The following CENPK variants were observed in gnomAD, a reference collection of about 807,000 sequenced individuals.
CENPK encodes the protein centromere protein K, also known as SoxLZ/Sox6-binding protein Solt.
In CENPK, 46 loss-of-function variants were observed where a neutral mutation model predicts 40.9. That is an observed-to-expected ratio of 1.13 (90% CI 0.89 to 1.44). The LOEUF is 1.44. CENPK is among the 40% of genes most tolerant of loss of function. CENPK has a pLI of 0.00. For missense variants in CENPK, 288 were observed against 303.5 expected, an observed-to-expected ratio of 0.95 and a Z score of 0.38; for synonymous variants, 107 against 104.4, an observed-to-expected ratio of 1.02 and a Z score of -0.15.
Position 65,561,491 on chromosome 5 carries a change from T to C in CENPK, c.-68A>G. The C allele has an allele frequency of 2.2e-6, 1 of 456,138 alleles. No individual in the cohort carries two copies. Among genetic ancestry groups the C allele is most frequent in the Middle Eastern group, 3.3e-4 (1 of 3,074 alleles). 28.3% of individuals were successfully genotyped at this position (456,138 alleles called of 1,614,324 possible). A position where few individuals can be genotyped will look rare whatever the true frequency, so the allele number is the denominator to read the frequency against. Reference sequence around the variant, plus strand: ...TTGAGGATGCAAGATGTAAGCTGTATGTAACCTGGAAGAGGGTCATCAACA... The same window carrying C: ...TTGAGGATGCAAGATGTAAGCTGTACGTAACCTGGAAGAGGGTCATCAACA... On this transcript the variant is annotated 5_prime_UTR_variant, in exon 2 of 11. Transcript: ENST00000396679.
intron 6 of CENPK, among the ~76,000 whole-genome samples, chr5:65,530,979 G>T (rs1745687931): frequency 1.3e-5 from 2 of 152,102 alleles, no homozygotes; most frequent in African/African-American, 4.8e-5. Context: ...AACAGGAACA[G>T]AAAAACAGGA....
chr5:65,526,131 C>G (rs548049475), intron 9 of CENPK, among the ~76,000 whole-genome samples: 1 of 152,082 alleles, frequency 6.6e-6, no homozygotes, highest in African/African-American at 2.4e-5. Context: ...GATAATGGCT[C>G]ATGGTAATCA....
chr5:65,561,931 A>G (rs1752040109), intron 1 of CENPK, among the ~76,000 whole-genome samples: 1 of 151,844 alleles, frequency 6.6e-6, no homozygotes, highest in Admixed American at 6.6e-5. Context: ...TAGATGAAAA[A>G]GTCTTTGTAC....
chr5:65,534,274 G>T (rs1261993271), intron 6 of CENPK, among the ~76,000 whole-genome samples: 2 of 152,082 alleles, frequency 1.3e-5, no homozygotes, highest in Admixed American at 1.3e-4. Flanking sequence ...TCTGCATTCA[G>T]ACTAAGTATG....
the CENPK span, among the ~76,000 whole-genome samples, chr5:65,512,128 A>G: frequency 2.6e-4 from 40 of 152,322 alleles, no homozygotes; most frequent in South Asian, 1.0e-3. Flanking sequence ...GAATTGCTAC[A>G]ATCTCATGAT....
At chr5:65,561,353 T>A in intron 2 of CENPK, 110 bp downstream of exon 2, 1 of 260,168 alleles carries the variant, frequency 3.8e-6, no homozygotes. Context: ...TCTGCACATG[T>A]GGTGGGGGCG....
At chr5:65,546,662 T>C (rs1749041521) in intron 5 of CENPK, among the ~76,000 whole-genome samples, 1 of 152,202 alleles carries the variant, frequency 6.6e-6, no homozygotes, top group Non-Finnish European at 1.5e-5. Context: ...ATTAGGTTAT[T>C]AGAGTTGACC....
chr5:65,537,934 C>T (rs147589642), intron 6 of CENPK, among the ~76,000 whole-genome samples: 7 of 152,172 alleles, frequency 4.6e-5, no homozygotes, highest in African/African-American at 9.6e-5. Flanking sequence ...GGGTATATAT[C>T]CAGGAATGAA....
downstream of CENPK, among the ~76,000 whole-genome samples, chr5:65,514,164 T>C (rs1742686630): frequency 6.6e-6 from 1 of 150,454 alleles, no homozygotes; most frequent in South Asian, 2.1e-4. Flanking sequence ...TACTAGTCTG[T>C]AGTTGTCCTT....
chr5:65,513,498 G>T (rs1267873353), downstream of CENPK, among the ~76,000 whole-genome samples: 2 of 152,032 alleles, frequency 1.3e-5, no homozygotes, highest in Non-Finnish European at 2.9e-5. Flanking sequence ...TTTCCATATA[G>T]ATCTTGTACA....
chr5:65,541,006 A>G (rs562210684), intron 6 of CENPK, among the ~76,000 whole-genome samples: 287 of 151,974 alleles, frequency 1.9e-3, no homozygotes, highest in Middle Eastern at 3.4e-3. Flanking sequence ...TTTTTTTTGT[A>G]GGGACAGGCT....
the CENPK span, among the ~76,000 whole-genome samples, chr5:65,506,181 C>T: frequency 6.7e-6 from 1 of 150,208 alleles, no homozygotes; most frequent in South Asian, 2.1e-4. Context: ...ACCAAGAGCT[C>T]AAGACCAGCC....
intron 6 of CENPK, among the ~76,000 whole-genome samples, chr5:65,531,740 G>A (rs967246400): frequency 1.3e-5 from 2 of 152,194 alleles, no homozygotes; most frequent in East Asian, 3.9e-4. Context: ...CTGACCTCGT[G>A]ATCTGCCCGC....
chr5:65,529,156 T>C lies in CENPK; in HGVS notation c.332A>G (p.Lys111Arg). Reference protein sequence around the residue: ...RQDLEMVLSTKESKNEKLKED... With the variant: ...RQDLEMVLSTRESKNEKLKED... ...CTTTAACTTTTCATTCTTTGACTCC[T>C]TAGTGGACAGTACCATTTCAAGATC... The change falls in exon 7 of 11, where the codon AAG becomes AGG. Residue 111 changes from lysine to arginine, a missense_variant. By Grantham distance (26) the Lys-to-Arg change is conservative. Transcript: ENST00000396679. 7.4e-6 allele frequency: 12 copies of C among 1,611,260 alleles called. No homozygotes were observed. The highest frequency in any genetic ancestry group is 1.0e-5 in the Non-Finnish European group (12 of 1,178,060).
chr5:65,560,013 T>C (rs1318444151), intron 2 of CENPK, among the ~76,000 whole-genome samples: 4 of 152,070 alleles, frequency 2.6e-5, no homozygotes, highest in African/African-American at 9.7e-5. Context: ...TGAATCTTTA[T>C]GTCATTCCTC....
intron 6 of CENPK, among the ~76,000 whole-genome samples, chr5:65,536,813 T>TC (rs1453776443): frequency 1.3e-5 from 2 of 152,250 alleles, no homozygotes; most frequent in African/African-American, 4.8e-5. Flanking sequence ...TGTCCTTTTT[T>TC]CCCATTCCTG....
intron 3 of CENPK, among the ~76,000 whole-genome samples, chr5:65,552,827 A>G (rs979336793): frequency 8.5e-5 from 13 of 152,064 alleles, no homozygotes; most frequent in East Asian, 5.8e-4. Flanking sequence ...AGATAATTGG[A>G]AAGTGGGAGA....
At chr5:65,556,069 T>C (rs538344745) in intron 2 of CENPK, among the ~76,000 whole-genome samples, 6 of 152,334 alleles carry the variant, frequency 3.9e-5, no homozygotes, top group African/African-American at 1.4e-4. Flanking sequence ...TACTGATGTC[T>C]TGATGATCCT....
At chr5:65,497,146 C>G in the CENPK span, among the ~76,000 whole-genome samples, 59,841 of 150,816 alleles carry the variant, frequency 0.4, 12,538 homozygotes, top group African/African-American at 0.52. Flanking sequence ...GGCGGGCGGA[C>G]TACCTGAGGT....
Sources: gnomAD v4.1 joint callset for allele counts (sites outside exome capture counted in the v4.1 genomes callset) on GRCh38, gnomAD v4.1.1 for gene constraint, MANE v1.5 for transcripts, NCBI Gene and HGNC (gene_info 2026-07-23, HGNC 2026-07-21) for gene names.